The following SPTA1 variants were observed in gnomAD, a reference collection of about 807,000 sequenced individuals.
SPTA1 encodes spectrin alpha, erythrocytic 1.
SPTA1 carries 177 observed loss-of-function variants against 324.7 expected under a neutral mutation model. That is an observed-to-expected ratio of 0.55 (90% CI 0.48 to 0.62). The LOEUF (loss-of-function observed/expected upper bound fraction) is 0.62, where lower values mean the gene tolerates loss of function less well. SPTA1 is among the 20% of genes least tolerant of loss of function. The pLI is 0.00. For synonymous variants in SPTA1, 1,195 were observed against 1,041.3 expected, an observed-to-expected ratio of 1.15 and a Z score of -2.84; for missense variants, 3,162 against 2,883.6, an observed-to-expected ratio of 1.10 and a Z score of -2.21.
At chr1:158,679,649 C>T (rs1654652968) in intron 5 of SPTA1, among the ~76,000 whole-genome samples, 1 of 152,034 alleles carries the variant, frequency 6.6e-6, no homozygotes, top group Non-Finnish European at 1.5e-5. Flanking sequence ...AGCTGAGCCA[C>T]CTGATCACTT....
At chr1:158,635,053 G>A (rs146173085) in intron 38 of SPTA1, among the ~76,000 whole-genome samples, 28 of 148,482 alleles carry the variant, frequency 1.9e-4, no homozygotes, top group Non-Finnish European at 4.0e-4. Context: ...AAGACACCAC[G>A]AAGTGCCAGA....
intron 51 of SPTA1, chr1:158,612,576 C>A (rs1571365564): frequency 2.0e-6 from 1 of 508,736 alleles, no homozygotes; most frequent in Non-Finnish European, 3.6e-6. Flanking sequence ...AAGAAATAGC[C>A]TTAAAAACTG....
intron 47 of SPTA1, 85 bp from the exon 48 acceptor site, chr1:158,615,488 G>T: frequency 7.3e-7 from 1 of 1,369,148 alleles, no homozygotes. Flanking sequence ...ATAACAGGCT[G>T]ATTTTATTTT....
At chr1:158,629,180 A>AAT (rs1351270549) in intron 39 of SPTA1, among the ~76,000 whole-genome samples, 5 of 110,852 alleles carry the variant, frequency 4.5e-5, no homozygotes, top group Admixed American at 1.0e-4. Context: ...AGAGAGACAA[A>AAT]ATATATCTCT....
At chr1:158,624,559 C>G (rs963910686) in intron 42 of SPTA1, among the ~76,000 whole-genome samples, 3 of 152,152 alleles carry the variant, frequency 2.0e-5, no homozygotes, top group Admixed American at 6.5e-5. Context: ...AGTATATTTA[C>G]CCAAAGCCTG....
chr1:158,639,970 A>G lies in SPTA1; in HGVS notation c.4775T>C (p.Leu1592Pro), dbSNP rs1343081954. Residue 1592 changes from leucine to proline, a missense_variant, in exon 34 of 52, where the codon CTG becomes CCG. Transcript: ENST00000643759. The part of the protein sequence containing the change: ...LEQLKEHWDH[L>P]LERTNDKGKK... ...CCCTTTGTCATTTGTTCTCTCAAGC[A>G]GATGATCCCAATGTTCCTTCAGCTG... 1 of 1,613,932 alleles carries G rather than the reference A, an allele frequency of 6.2e-7. No individual in the cohort carries two copies. Among genetic ancestry groups the G allele is most frequent in the South Asian group, 1.1e-5 (1 of 91,080 alleles).
chr1:158,623,196 A>T lies in SPTA1; in HGVS notation c.5911-4T>A. 6.2e-7 allele frequency: 1 copy of T among 1,613,918 alleles called. No homozygotes were observed. Among genetic ancestry groups the T allele is most frequent in the Non-Finnish European group, 8.5e-7 (1 of 1,179,816 alleles). ...GCAGACTGGCATCCAGAGTGTCCTG[A>T]GAAAGATCAGGAGAGAGGCCGTGAA... On this transcript the variant is annotated splice_region_variant and splice_polypyrimidine_tract_variant and intron_variant, in intron 42 of 51. Coordinates refer to ENST00000643759, the MANE Select transcript of SPTA1 (RefSeq NM_003126.4).
At position 158,662,945 on chromosome 1, in the gene SPTA1, C is replaced by T. The variant is rs765936247; in HGVS notation, c.2221G>A (p.Asp741Asn). 5.0e-6 allele frequency: 8 copies of T among 1,613,894 alleles called. No individual in the cohort carries two copies. In the Admixed American group the frequency reaches 1.3e-4, roughly 27 times the overall value. Reference sequence around the variant, plus strand: ...AGGTCTGTAAGGATATCCACCTGATCCTAAGGGAGAAATAGAATGAATGCG... The same window carrying T: ...AGGTCTGTAAGGATATCCACCTGATTCTAAGGGAGAAATAGAATGAATGCG... ...LLESAVAARQDQVDILTDLAA... is the reference protein window; with the variant it reads ...LLESAVAARQNQVDILTDLAA... Residue 741 changes from aspartate to asparagine, a missense_variant and splice_region_variant, in exon 17 of 52, where the codon GAT becomes AAT. By Grantham distance (23) the Asp-to-Asn change is conservative. Coordinates refer to ENST00000643759, the MANE Select transcript of SPTA1 (RefSeq NM_003126.4).
intron 2 of SPTA1, among the ~76,000 whole-genome samples, chr1:158,683,786 T>A (rs1383948555): frequency 7.5e-6 from 1 of 133,542 alleles, no homozygotes; most frequent in African/African-American, 2.5e-5. Flanking sequence ...GAGGAATAAC[T>A]GATTTTTTTT....
Position 158,680,686 on chromosome 1 carries a change from C to T in SPTA1, c.575G>A (p.Arg192His), listed in dbSNP as rs555080954. Residue 192 changes from arginine (R) to histidine (H), a missense_variant, in exon 5 of 52, where the codon CGC becomes CAC. Physicochemically the swap from Arg to His is conservative, Grantham distance 29. Coordinates refer to ENST00000643759, the MANE Select transcript of SPTA1 (RefSeq NM_003126.4). ...AAATTTCTTATGCAGAACTTCGGTGCGCTCCCAGTCTTCACCTAGCTCCAC... is the reference window on the plus strand; with the variant it reads ...AAATTTCTTATGCAGAACTTCGGTGTGCTCCCAGTCTTCACCTAGCTCCAC... Reference protein sequence around the residue: ...TSVELGEDWERTEVLHKKFED... With the variant: ...TSVELGEDWEHTEVLHKKFED... 5.6e-6 allele frequency: 9 copies of T among 1,613,888 alleles called. No individual in the cohort carries two copies. The highest frequency in any genetic ancestry group is 2.7e-5 in the African/African-American group (2 of 75,024).
chr1:158,635,650 C>A (rs1651013209), intron 38 of SPTA1, among the ~76,000 whole-genome samples: 1 of 152,116 alleles, frequency 6.6e-6, no homozygotes, highest in Non-Finnish European at 1.5e-5. Flanking sequence ...TGAAGGATAA[C>A]ACATGTAGGA....
chr1:158,651,905 C>G (rs1225454177), intron 23 of SPTA1, among the ~76,000 whole-genome samples: 184 of 147,934 alleles, frequency 1.2e-3, no homozygotes, highest in African/African-American at 4.6e-3. Context: ...CTCTCTCTCT[C>G]TCTCTGTGTG....
rs372281474 is a variant in SPTA1 at position 158,652,616 on chromosome 1, G to T, written c.3226C>A (p.Arg1076Ser). 15 of 1,613,982 alleles carry T rather than the reference G, an allele frequency of 9.3e-6. No individual in the cohort carries two copies. Among genetic ancestry groups the T allele is most frequent in the Non-Finnish European group, 1.1e-5 (13 of 1,180,034 alleles). ...SLLDRAEERR[R>S]RLLQRYNEFL... Reference sequence around the variant, plus strand: ...TCATTATAACGTTGCAATAGACGACGTCTGCGTTCTTCTGCCCGATCCAAG... The same window carrying T: ...TCATTATAACGTTGCAATAGACGACTTCTGCGTTCTTCTGCCCGATCCAAG... The change falls in exon 23 of 52, where the codon CGT becomes AGT. Residue 1076 changes from arginine (R) to serine (S), a missense_variant. Physicochemically the swap from Arg to Ser is moderately radical, Grantham distance 110. Transcript: ENST00000643759.
chr1:158,648,450 G>T, intron 26 of SPTA1, 59 bp downstream of exon 26: 1 of 1,605,272 alleles, frequency 6.2e-7, no homozygotes, highest in South Asian at 1.1e-5. Context: ...AGAGGGCATT[G>T]GTATACGGCT....
chr1:158,613,625 G>C (rs1032886425), intron 50 of SPTA1, 96 bp downstream of exon 50: 3 of 1,557,468 alleles, frequency 1.9e-6, no homozygotes, highest in Non-Finnish European at 2.6e-6. Context: ...ATTTTCAGAT[G>C]AGTTAATTTC....
intron 13 of SPTA1, 50 bp from the exon 14 acceptor site, chr1:158,669,613 T>C (rs1183241661): frequency 5.6e-6 from 9 of 1,614,036 alleles, no homozygotes; most frequent in Non-Finnish European, 7.6e-6. Context: ...AATATGGACA[T>C]GTGAGATTCG....
intron 15 of SPTA1, 34 bp downstream of exon 15, chr1:158,667,823 GA>G: frequency 6.2e-7 from 1 of 1,606,774 alleles, no homozygotes; most frequent in Non-Finnish European, 8.5e-7. Flanking sequence ...TCAGAATTTA[GA>G]AAATGACCTT....
intron 5 of SPTA1, among the ~76,000 whole-genome samples, chr1:158,679,135 T>C (rs1448003148): frequency 6.6e-6 from 1 of 152,110 alleles, no homozygotes; most frequent in East Asian, 1.9e-4. Flanking sequence ...GGCATTCCCA[T>C]ATGCCTAAGT....
At chr1:158,662,534 T>C (rs1028250162) in intron 17 of SPTA1, among the ~76,000 whole-genome samples, 168 bp downstream of exon 17, 2 of 152,216 alleles carry the variant, frequency 1.3e-5, no homozygotes, top group African/African-American at 4.8e-5. Flanking sequence ...AATTTTTTAG[T>C]ATAATTTTTA....
Sources: allele counts gnomAD v4.1 joint callset (sites outside exome capture counted in the v4.1 genomes callset), GRCh38; gene constraint gnomAD v4.1.1; transcripts MANE v1.5; gene names NCBI Gene and HGNC (gene_info 2026-07-23, HGNC 2026-07-21).